Variants in SLC15A3 observed in about 807,000 individuals in gnomAD.
SLC15A3 encodes osteoclast transporter.
SLC15A3 carries 39 observed loss-of-function variants against 49.2 expected under a neutral mutation model. The observed-to-expected ratio is 0.79, with a 90% CI of 0.61 to 1.04. The LOEUF (loss-of-function observed/expected upper bound fraction) is 1.04. Among genes scored for constraint, SLC15A3 ranks in the 50% least tolerant of loss-of-function variants. The probability of loss-of-function intolerance (pLI) is 0.00; values close to 1 mark genes in which losing one functional copy is unlikely to be tolerated. For missense variants in SLC15A3, 758 were observed against 794.8 expected (o/e 0.95, Z 0.56); for synonymous variants, 339 against 367.0 (o/e 0.92, Z 0.87).
In SLC15A3 at chr11:60,951,110, A is replaced by G. The variant is rs749181861; in HGVS notation, c.442T>C (p.Cys148Arg). The G allele has an allele frequency of 1.4e-6, 2 of 1,476,098 alleles. No homozygotes were observed. The highest frequency in any genetic ancestry group is 1.3e-5 in the South Asian group (1 of 75,998). 91.4% of individuals were successfully genotyped at this position (1,476,098 alleles called of 1,614,324 possible). A position where few individuals can be genotyped will look rare whatever the true frequency, so the allele number is the denominator to read the frequency against. ...PLGPACPSAG[C>R]PRSSPSPYCA... ...TAGGGGCTGGGCGAGGAGCGCGGGC[A>G]GCCGGCCGAGGGGCAGGCAGGTCCC... The change falls in exon 1 of 8, where the codon TGC becomes CGC. Residue 148 changes from cysteine (C) to arginine (R), a missense_variant. Around this residue, in one of 3 missense-constraint regions of SLC15A3, gnomAD observed 699 missense variants for 706.7 expected, o/e 0.99. Transcript: ENST00000227880.
chr11:60,950,895 C>T, intron 1 of SLC15A3, 99 bp downstream of exon 1: 1 of 1,237,402 alleles, frequency 8.1e-7, no homozygotes, highest in Non-Finnish European at 1.0e-6. Context: ...GAAACTAGTG[C>T]AGGCAGGGGA....
Position 60,942,057 on chromosome 11 carries a change from C to A in SLC15A3, c.1085G>T (p.Arg362Ile). 1.2e-6 allele frequency: 2 copies of A among 1,614,102 alleles called. No individual in the cohort carries two copies. The highest frequency in any genetic ancestry group is 1.7e-6 in the Non-Finnish European group (2 of 1,179,996). Residue 362 changes from arginine (R) to isoleucine (I), a missense_variant, in exon 4 of 8, where the codon AGA becomes ATA. Arg to Ile is a moderately conservative substitution (Grantham distance 97). Coordinates refer to ENST00000227880, the MANE Select transcript of SLC15A3 (RefSeq NM_016582.3). Reference sequence around the variant, plus strand: ...CACCGTGTAGCTGCTGCCCTGGGCTCTCAGGGCCACAGAGATGTTGGCCGG... The same window carrying A: ...CACCGTGTAGCTGCTGCCCTGGGCTATCAGGGCCACAGAGATGTTGGCCGG... ...ANPANISVAL[R>I]AQGSSYTIPE...
chr11:60,943,809 G>A lies in SLC15A3; in HGVS notation c.876C>T (p.Ala292=), dbSNP rs758537520. 48 of 1,597,652 alleles carry A rather than the reference G, an allele frequency of 3.0e-5. No homozygotes were observed. Among genetic ancestry groups the A allele is most frequent in the African/African-American group, 2.4e-4 (18 of 74,202 alleles). The change falls in exon 3 of 8, where the codon GCC becomes GCT. Residue 292 remains alanine (A), a synonymous_variant. Transcript: ENST00000227880. The part of the protein sequence containing the change: ...ARDRQCARVL[A]DERSPQPGAS... ...CCCCTGGCTGGGGAGACCTCTCGTC[G>A]GCCAGCACGCGGGCACATTGACGGT...
chr11:60,947,563 G>A (rs920823251), intron 1 of SLC15A3, among the ~76,000 whole-genome samples: 14 of 152,104 alleles, frequency 9.2e-5, no homozygotes, highest in Admixed American at 1.3e-4. Flanking sequence ...GCATGTTACC[G>A]AAAGAACAGA....
In SLC15A3 at chr11:60,946,727, G is replaced by A. The variant is rs771325349; in HGVS notation, c.653C>T (p.Ala218Val). 9 of 1,613,964 alleles carry A rather than the reference G, an allele frequency of 5.6e-6. No individual in the cohort carries two copies. In the East Asian group the frequency reaches 6.7e-5, roughly 12 times the overall value. Residue 218 changes from alanine (A) to valine (V), a missense_variant, in exon 2 of 8, where the codon GCG (alanine) becomes GTG (valine). By Grantham distance (64) the Ala-to-Val change is moderately conservative. Coordinates refer to ENST00000227880, the MANE Select transcript of SLC15A3 (RefSeq NM_016582.3). ...GAAGCTGATGTTCTGCTGAATAAAC[G>A]CCACCACCAGCAGCGACAGCACAGC... ...LGAVLSLLVV[A>V]FIQQNISFLL...
chr11:60,950,788 C>T (rs971447772), intron 1 of SLC15A3, among the ~76,000 whole-genome samples: 20 of 152,156 alleles, frequency 1.3e-4, no homozygotes, highest in African/African-American at 4.8e-4. Context: ...GAAACTCCGT[C>T]TCAAAAAATA....
At position 60,951,290 on chromosome 11, in the gene SLC15A3, G is replaced by T. The variant is rs1310602281; in HGVS notation, c.262C>A (p.Pro88Thr). The change falls in exon 1 of 8, where the codon CCC becomes ACC. Residue 88 changes from proline (P) to threonine (T), a missense_variant. By Grantham distance (38) the Pro-to-Thr change is conservative (BLOSUM62 -1). Around this residue, in one of 3 missense-constraint regions of SLC15A3, gnomAD observed 699 missense variants for 706.7 expected, o/e 0.99. Transcript: ENST00000227880. ...VFLGASYLLA[P>T]VGGWLADVYL... Reference sequence around the variant, plus strand: ...ACGTCGGCCAGCCAGCCGCCCACGGGCGCCAGCAGGTAGGAGGCGCCCAGG... The same window carrying T: ...ACGTCGGCCAGCCAGCCGCCCACGGTCGCCAGCAGGTAGGAGGCGCCCAGG... 1.3e-6 allele frequency: 2 copies of T among 1,520,938 alleles called. No individual in the cohort carries two copies. The highest frequency in any genetic ancestry group is 1.8e-6 in the Non-Finnish European group (2 of 1,136,610). 94.2% of individuals were successfully genotyped at this position (1,520,938 alleles called of 1,614,324 possible). A position where few individuals can be genotyped will look rare whatever the true frequency, so the allele number is the denominator to read the frequency against.
At position 60,942,161 on chromosome 11, in the gene SLC15A3, G is replaced by A; in HGVS notation, c.997-16C>T. On this transcript the variant is annotated splice_polypyrimidine_tract_variant and intron_variant, in intron 3 of 7. Transcript: ENST00000227880. ...TGGACTGCATCTGCCAAGAGAGACA[G>A]GGGTGAGGCTGGAACAGAAACGGCC... The A allele has an allele frequency of 6.2e-7, 1 of 1,604,368 alleles. No homozygotes were observed. The highest frequency in any genetic ancestry group is 1.1e-5 in the South Asian group (1 of 90,910).
At chr11:60,941,990 G>T (rs1196458846) in intron 4 of SLC15A3, 45 bp downstream of exon 4, 2 of 1,565,572 alleles carry the variant, frequency 1.3e-6, no homozygotes, top group African/African-American at 1.4e-5. Flanking sequence ...AGAGGAAGCC[G>T]CTACCTGGCT....
rs1565130763 is a variant in SLC15A3, at chr11:60,951,295, A to C, written c.257T>G (p.Leu86Arg). ...ALVFLGASYL[L>R]APVGGWLADV... ...GGCCAGCCAGCCGCCCACGGGCGCC[A>C]GCAGGTAGGAGGCGCCCAGGAATAC... Residue 86 changes from leucine (L) to arginine (R), a missense_variant, in exon 1 of 8, where the codon CTG becomes CGG. Coordinates refer to ENST00000227880, the MANE Select transcript of SLC15A3 (RefSeq NM_016582.3). 1 of 1,523,148 alleles carries C rather than the reference A, an allele frequency of 6.6e-7. No homozygotes were observed. The highest frequency in any genetic ancestry group is 1.2e-5 in the South Asian group (1 of 81,532). The allele number at this position is 1,523,148 out of a possible 1,614,324, so 94.4% of individuals were successfully genotyped here. A position where few individuals can be genotyped will look rare whatever the true frequency, so the allele number is the denominator to read the frequency against.
Position 60,937,230 on chromosome 11 carries a change from C to T in SLC15A3, c.1735G>A (p.Asp579Asn). 6.2e-7 allele frequency: 1 copy of T among 1,613,970 alleles called. No homozygotes were observed. Among genetic ancestry groups the T allele is most frequent in the Non-Finnish European group, 8.5e-7 (1 of 1,179,948 alleles). The part of the protein sequence containing the change: ...GPASHSRFSR[D>N]RG ...GGAATAGGGCCTGTTCAGCCCCTGT[C>T]CCTGCTGAAACGGCTGTGGGAGGCT... Residue 579 changes from aspartate (D) to asparagine (N), a missense_variant, in exon 8 of 8, where the codon GAC becomes AAC. By Grantham distance (23) the Asp-to-Asn change is conservative. This residue lies in a region of SLC15A3 where 699 missense variants were observed against 706.7 expected (regional missense o/e 0.99). Transcript: ENST00000227880.
At chr11:60,938,278 C>T in intron 6 of SLC15A3, 1 of 470,464 alleles carries the variant, frequency 2.1e-6, no homozygotes, top group Non-Finnish European at 3.7e-6. Context: ...TCTGTCTCCC[C>T]TCCTCCCCTT....
rs1590636843 is a variant in SLC15A3, at chr11:60,940,923, TTTC to T, written c.1276+196_1276+198del. 1.7e-5 allele frequency: 8 copies of T among 477,836 alleles called. No homozygotes were observed. The East Asian group carries it at 2.1e-4, about 12-fold the overall frequency. 29.6% of individuals were successfully genotyped at this position (477,836 alleles called of 1,614,324 possible). A position where few individuals can be genotyped will look rare whatever the true frequency, so the allele number is the denominator to read the frequency against. ...ATATTTGTTCCTCTCTCGGCCTGAG[TTTC>T]TTCTTCTGTCAAAATGAGGGGCAGC... On this transcript the variant is annotated intron_variant, in intron 5 of 7. Coordinates refer to ENST00000227880, the MANE Select transcript of SLC15A3 (RefSeq NM_016582.3).
intron 6 of SLC15A3, among the ~76,000 whole-genome samples, chr11:60,939,090 C>T (rs879719493): frequency 1.1e-4 from 17 of 152,124 alleles, no homozygotes; most frequent in Non-Finnish European, 1.9e-4. Context: ...GAACACGGGG[C>T]GGGAAGGGAG....
chr11:60,946,415 T>A (rs1030357464), intron 2 of SLC15A3, 117 bp downstream of exon 2: 9 of 1,203,988 alleles, frequency 7.5e-6, no homozygotes. Context: ...CAGATCATCA[T>A]AAAAAGCTAT....
In SLC15A3 at chr11:60,937,234, G is replaced by A. The variant is rs573804365; in HGVS notation, c.1731C>T (p.Ser577=). Residue 577 remains serine, a synonymous_variant, in exon 8 of 8, where the codon AGC becomes AGT. Coordinates refer to ENST00000227880, the MANE Select transcript of SLC15A3 (RefSeq NM_016582.3). ...SQGPASHSRF[S]RDRG ...TAGGGCCTGTTCAGCCCCTGTCCCTGCTGAAACGGCTGTGGGAGGCTGGGC... is the reference window on the plus strand; with the variant it reads ...TAGGGCCTGTTCAGCCCCTGTCCCTACTGAAACGGCTGTGGGAGGCTGGGC... 86 of 1,614,032 alleles carry A rather than the reference G, an allele frequency of 5.3e-5. 1 individual carries two copies. In the South Asian group the frequency reaches 9.3e-4, roughly 18 times the overall value.
Position 60,943,770 on chromosome 11 carries a change from C to T in SLC15A3, c.915G>A (p.Glu305=), listed in dbSNP as rs1856756006. The change falls in exon 3 of 8, where the codon GAG becomes GAA. Residue 305 remains glutamate (E), a synonymous_variant. Coordinates refer to ENST00000227880, the MANE Select transcript of SLC15A3 (RefSeq NM_016582.3). The stretch of plus-strand genomic sequence containing the variant: ...CCAGCACCTGGAAGTTGGCGATGTC[C>T]TCTTGCGGGGAAGCCCCTGGCTGGG... ...RSPQPGASPQ[E]DIANFQVLVK... is the part of the protein sequence containing the mutation. The T allele has an allele frequency of 3.7e-6, 6 of 1,605,162 alleles. No homozygotes were observed. In the East Asian group the frequency reaches 9.0e-5, roughly 24 times the overall value.
Position 60,952,133 on chromosome 11 carries a change from C to T in SLC15A3, c.-582G>A, listed in dbSNP as rs3763839. 6.6e-6 allele frequency among the ~76,000 whole-genome samples: 1 copy of T among 151,612 alleles called. No homozygotes were observed. The highest frequency in any genetic ancestry group is 1.5e-5 in the Non-Finnish European group (1 of 67,916). ...CTCTCAGTCCCCTGCAGCCCTCCCCCCAGGCTCAGCCTCTGTCCCTCTCTC... is the reference window on the plus strand; with the variant it reads ...CTCTCAGTCCCCTGCAGCCCTCCCCTCAGGCTCAGCCTCTGTCCCTCTCTC... On this transcript the variant is annotated 5_prime_UTR_variant, in exon 1 of 8. Transcript: ENST00000227880.
intron 5 of SLC15A3, chr11:60,939,867 A>T: frequency 1.8e-6 from 1 of 546,540 alleles, no homozygotes; most frequent in Non-Finnish European, 3.3e-6. Flanking sequence ...TGCACTCAAT[A>T]ACACTAACAA....
Sources: gnomAD v4.1 joint callset for allele counts (sites outside exome capture counted in the v4.1 genomes callset) on GRCh38, gnomAD v4.1.1 for gene constraint, gnomAD v4.1.1 regional missense constraint, MANE v1.5 for transcripts, NCBI Gene and HGNC (gene_info 2026-07-23, HGNC 2026-07-21) for gene names.